The following ARHGAP22 variants were observed in gnomAD, a reference collection of about 807,000 sequenced individuals.
ARHGAP22 encodes the protein Rho GTPase activating protein 22, also known as rho GTPase-activating protein 22.
A neutral mutation model predicts 59.1 loss-of-function variants in ARHGAP22; 48 were observed. That is an observed-to-expected ratio of 0.81 (90% CI 0.64 to 1.03). ARHGAP22 has a LOEUF of 1.03. Among genes scored for constraint, ARHGAP22 ranks in the 50% least tolerant of loss-of-function variants. ARHGAP22 has a pLI of 0.00. For synonymous variants in ARHGAP22, 445 were observed against 416.4 expected (o/e 1.07, Z -0.84); for missense variants, 1,015 against 958.7 (o/e 1.06, Z -0.78).
intron 2 of ARHGAP22, among the ~76,000 whole-genome samples, chr10:48,569,764 G>C (rs1227072417): frequency 6.6e-6 from 1 of 152,112 alleles, no homozygotes; most frequent in East Asian, 1.9e-4. Context: ...TTAGAAGGTG[G>C]AGATCCGTCT....
In ARHGAP22 at chr10:48,583,043, C is replaced by A. The variant is rs772201452; in HGVS notation, c.144G>T (p.Arg48Ser). 1 of 1,614,274 alleles carries A rather than the reference C, an allele frequency of 6.2e-7. No homozygotes were observed. The highest frequency in any genetic ancestry group is 8.5e-7 in the Non-Finnish European group (1 of 1,180,052). Residue 48 changes from arginine (R) to serine (S), a missense_variant, in exon 2 of 10, where the codon AGG (arginine) becomes AGT (serine). Physicochemically the swap from Arg to Ser is moderately radical, Grantham distance 110. Transcript: ENST00000249601. The part of the protein sequence containing the change: ...VLKAGWLKKQ[R>S]SIMKNWQQRW... ...GCTGCTGCCAGTTCTTCATGATGCTCCTCTGCTTCTTCAGCCAGCCCGCCT... is the reference window on the plus strand; with the variant it reads ...GCTGCTGCCAGTTCTTCATGATGCTACTCTGCTTCTTCAGCCAGCCCGCCT...
intron 2 of ARHGAP22, among the ~76,000 whole-genome samples, chr10:48,565,293 G>A (rs2057978540): frequency 1.3e-5 from 2 of 152,196 alleles, no homozygotes. Flanking sequence ...AGCAGAAGGT[G>A]TGGAATGGAG....
At chr10:48,514,220 G>C (rs2053072547) in intron 3 of ARHGAP22, among the ~76,000 whole-genome samples, 2 of 151,962 alleles carry the variant, frequency 1.3e-5, no homozygotes, top group Non-Finnish European at 1.5e-5. Flanking sequence ...AAGGAGAGGG[G>C]AGAGAAAAAA....
intron 3 of ARHGAP22, chr10:48,546,851 GC>G (rs1293903821): frequency 6.6e-6 from 1 of 152,202 alleles, no homozygotes; most frequent in African/African-American, 2.4e-5. Context: ...GAGGAGGGGA[GC>G]TTATCTAGAC....
At chr10:48,519,807 A>G (rs2053635975) in intron 3 of ARHGAP22, among the ~76,000 whole-genome samples, 1 of 151,962 alleles carries the variant, frequency 6.6e-6, no homozygotes, top group Admixed American at 6.6e-5. Context: ...GGAGCCTGGG[A>G]GGGGGAGGGG....
At chr10:48,595,198 T>C (rs919751553) in intron 1 of ARHGAP22, among the ~76,000 whole-genome samples, 3 of 152,116 alleles carry the variant, frequency 2.0e-5, no homozygotes, top group Admixed American at 2.0e-4. Flanking sequence ...TAAAACACAA[T>C]TGATTTATAG....
chr10:48,607,694 C>G (rs2060729594), upstream of ARHGAP22, among the ~76,000 whole-genome samples: 1 of 152,242 alleles, frequency 6.6e-6, no homozygotes, highest in Non-Finnish European at 1.5e-5. Flanking sequence ...GTGGGAGATA[C>G]AGGTCTAGCT....
intron 1 of ARHGAP22, among the ~76,000 whole-genome samples, chr10:48,628,003 A>G (rs536172882): frequency 2.0e-5 from 3 of 152,352 alleles, no homozygotes; most frequent in Admixed American, 6.5e-5. Context: ...ACGTATTAAC[A>G]CAGTGCTCTG....
chr10:48,497,127 G>A (rs959897059), intron 3 of ARHGAP22, among the ~76,000 whole-genome samples: 1 of 152,154 alleles, frequency 6.6e-6, no homozygotes, highest in Non-Finnish European at 1.5e-5. Flanking sequence ...CTCTTAGGTG[G>A]TGATCATGGG....
intron 3 of ARHGAP22, among the ~76,000 whole-genome samples, chr10:48,510,096 C>T (rs2052600337): frequency 6.6e-6 from 1 of 152,176 alleles, no homozygotes; most frequent in Admixed American, 6.5e-5. Context: ...ATTTTCATCT[C>T]TTTAAAACCA....
At chr10:48,448,856 C>T (rs893804871) in intron 9 of ARHGAP22, among the ~76,000 whole-genome samples, 1 of 152,206 alleles carries the variant, frequency 6.6e-6, no homozygotes, top group African/African-American at 2.4e-5. Flanking sequence ...GGAGTCAATG[C>T]GAGCAGCAAA....
intron 6 of ARHGAP22, 75 bp from the exon 7 acceptor site, chr10:48,454,236 G>A: frequency 2.2e-6 from 3 of 1,376,662 alleles, no homozygotes; most frequent in Non-Finnish European, 3.1e-6. Context: ...AGGAGGGGTG[G>A]GCAAAGAGAA....
chr10:48,504,788 G>A (rs1418949113), intron 3 of ARHGAP22, among the ~76,000 whole-genome samples: 2 of 152,178 alleles, frequency 1.3e-5, no homozygotes, highest in African/African-American at 4.8e-5. Context: ...GGGCTGGGAT[G>A]CAGGTGGTGA....
intron 3 of ARHGAP22, chr10:48,493,788 C>T: frequency 6.5e-6 from 4 of 618,884 alleles, no homozygotes; most frequent in Non-Finnish European, 1.0e-5. Flanking sequence ...GCCTGCCACC[C>T]TGTGCACTTG....
At chr10:48,459,916 C>T (rs768243721) in intron 4 of ARHGAP22, 25 bp from the exon 5 acceptor site, 1 of 1,600,754 alleles carries the variant, frequency 6.2e-7, no homozygotes, top group South Asian at 1.1e-5. Flanking sequence ...GAGCTAGTCA[C>T]ACCCTCCACC....
chr10:48,592,289 G>A (rs747590426), intron 1 of ARHGAP22, among the ~76,000 whole-genome samples: 10 of 152,068 alleles, frequency 6.6e-5, no homozygotes, highest in Admixed American at 4.6e-4. Context: ...GTGGGGCTAC[G>A]GGTATCTGTC....
chr10:48,447,320 C>A (rs3789320), intron 9 of ARHGAP22, among the ~76,000 whole-genome samples: 76,876 of 152,020 alleles, frequency 0.51, 20,181 homozygotes, highest in Middle Eastern at 0.72. Context: ...CTGAGCCCAG[C>A]CCCTGGGAAC....
intron 1 of ARHGAP22, among the ~76,000 whole-genome samples, chr10:48,585,909 G>A (rs1280584898): frequency 6.6e-6 from 1 of 152,170 alleles, no homozygotes; most frequent in African/African-American, 2.4e-5. Flanking sequence ...GGCAAATCAG[G>A]GAGCTGAGTG....
At chr10:48,603,519 A>G (rs2060505561) in intron 1 of ARHGAP22, among the ~76,000 whole-genome samples, 2 of 152,108 alleles carry the variant, frequency 1.3e-5, no homozygotes, top group African/African-American at 2.4e-5. Context: ...CTTTTTCTCA[A>G]TTTGGACTAG....
Sources: gnomAD v4.1 joint callset for allele counts (sites outside exome capture counted in the v4.1 genomes callset) on GRCh38, gnomAD v4.1.1 for gene constraint, MANE v1.5 for transcripts, NCBI Gene and HGNC (gene_info 2026-07-23, HGNC 2026-07-21) for gene names.